The following KCNIP1 variants were observed in gnomAD, a reference collection of about 807,000 sequenced individuals.
The protein encoded by KCNIP1 is A-type potassium channel modulatory protein KCNIP1.
Under a neutral mutation model 33.0 loss-of-function variants are expected in KCNIP1, and 18 were observed. The ratio of observed to expected loss-of-function variants is 0.55; its 90% CI spans 0.38 to 0.81. The LOEUF is 0.81. KCNIP1 is among the 30% of genes least tolerant of loss of function. The probability of loss-of-function intolerance (pLI) is 0.00; values close to 1 mark genes in which losing one functional copy is unlikely to be tolerated. For synonymous variants in KCNIP1, 93 were observed against 98.3 expected, an observed-to-expected ratio of 0.95 and a Z score of 0.32; for missense variants, 238 against 271.6, an observed-to-expected ratio of 0.88 and a Z score of 0.87.
chr5:170,725,254 G>A (rs927228242), intron 5 of KCNIP1, among the ~76,000 whole-genome samples: 1 of 152,172 alleles, frequency 6.6e-6, no homozygotes, highest in African/African-American at 2.4e-5. Flanking sequence ...GTTCATAATA[G>A]CCAAGATTTG....
intron 1 of KCNIP1, among the ~76,000 whole-genome samples, chr5:170,569,124 G>A (rs969176547): frequency 6.6e-6 from 1 of 152,166 alleles, no homozygotes; most frequent in African/African-American, 2.4e-5. Flanking sequence ...CAGTAACCAT[G>A]GCCTCCAGGG....
chr5:170,554,303 T>C (rs1284877332), intron 1 of KCNIP1, among the ~76,000 whole-genome samples: 2 of 152,196 alleles, frequency 1.3e-5, no homozygotes, highest in Admixed American at 6.5e-5. Context: ...AGAAGCTCCC[T>C]GGAGCCTCCG....
chr5:170,556,740 G>A (rs1756860925), intron 1 of KCNIP1, among the ~76,000 whole-genome samples: 1 of 152,240 alleles, frequency 6.6e-6, no homozygotes, highest in African/African-American at 2.4e-5. Context: ...AATGAGGCCT[G>A]GGTGTTTGTT....
chr5:170,712,957 C>T (rs1401390670), intron 1 of KCNIP1: 5 of 1,299,548 alleles, frequency 3.8e-6, no homozygotes, highest in Non-Finnish European at 5.6e-6. Flanking sequence ...TAATCAAGCT[C>T]ATGTTTTGTA....
chr5:170,581,485 A>G (rs748379336), intron 1 of KCNIP1, among the ~76,000 whole-genome samples: 1 of 152,208 alleles, frequency 6.6e-6, no homozygotes, highest in Non-Finnish European at 1.5e-5. Flanking sequence ...TTGTCCAGAA[A>G]TATTCTGAGG....
At chr5:170,598,904 C>CGCGCGTGTGTGTGTGT (rs1412098474) in intron 1 of KCNIP1, among the ~76,000 whole-genome samples, 1 of 133,776 alleles carries the variant, frequency 7.5e-6, no homozygotes, top group Non-Finnish European at 1.6e-5. Flanking sequence ...TGTGTGTGCG[C>CGCGCGTGTGTGTGTGT]GTGTGTGTGT....
At chr5:170,674,151 GGAAGGAAGGAAGGAAGGAAGGAAGGA>G (rs1561756528) in intron 1 of KCNIP1, among the ~76,000 whole-genome samples, 26 of 67,792 alleles carry the variant, frequency 3.8e-4, no homozygotes, top group African/African-American at 1.6e-3. Flanking sequence ...AAGGAAGGAA[GGAAGGAAGGAAGGAAGGAAGGAAGGA>G]AGGAAGGGAG....
intron 1 of KCNIP1, among the ~76,000 whole-genome samples, chr5:170,480,063 C>T (rs1431090333): frequency 6.6e-6 from 1 of 152,200 alleles, no homozygotes; most frequent in Admixed American, 6.5e-5. Flanking sequence ...AAAATGCACA[C>T]AAAACGTCAT....
chr5:170,542,849 C>T (rs556683420), intron 1 of KCNIP1, among the ~76,000 whole-genome samples: 1 of 152,360 alleles, frequency 6.6e-6, no homozygotes, highest in South Asian at 2.1e-4. Context: ...TATTTTCAAA[C>T]TGCAAGTGGC....
At chr5:170,527,795 A>G (rs1049895206) in intron 1 of KCNIP1, among the ~76,000 whole-genome samples, 1 of 150,702 alleles carries the variant, frequency 6.6e-6, no homozygotes, top group African/African-American at 2.4e-5. Flanking sequence ...ATTTTCCTCT[A>G]TTTGTCCTTG....
intron 1 of KCNIP1, among the ~76,000 whole-genome samples, chr5:170,464,068 T>C (rs1223345930): frequency 1.3e-5 from 2 of 151,952 alleles, no homozygotes; most frequent in East Asian, 3.8e-4. Context: ...GAAAATAAAA[T>C]CCTTATGAAT....
intron 1 of KCNIP1, among the ~76,000 whole-genome samples, chr5:170,585,604 CT>C (rs1554102652): frequency 2.6e-5 from 4 of 152,144 alleles, no homozygotes; most frequent in Non-Finnish European, 5.9e-5. Flanking sequence ...CCTCCCACCT[CT>C]CACCCCCCGC....
At chr5:170,523,862 C>A (rs1755466374) in intron 1 of KCNIP1, among the ~76,000 whole-genome samples, 1 of 152,184 alleles carries the variant, frequency 6.6e-6, no homozygotes, top group African/African-American at 2.4e-5. Context: ...GCCAGACATA[C>A]CTAACCTCCC....
At chr5:170,676,189 AAG>A (rs1762136316) in intron 1 of KCNIP1, among the ~76,000 whole-genome samples, 3 of 64,532 alleles carry the variant, frequency 4.6e-5, no homozygotes, top group East Asian at 1.2e-3. Context: ...AAGGAAAGGA[AAG>A]GAAAGGAAAG....
intron 1 of KCNIP1, among the ~76,000 whole-genome samples, chr5:170,367,982 GA>G (rs1763740222): frequency 6.6e-6 from 1 of 152,246 alleles, no homozygotes; most frequent in East Asian, 1.9e-4. Flanking sequence ...AGTGTCAATG[GA>G]AAAAATTGTG....
At chr5:170,431,143 T>C (rs868813503) in intron 1 of KCNIP1, among the ~76,000 whole-genome samples, 3 of 152,228 alleles carry the variant, frequency 2.0e-5, no homozygotes, top group Non-Finnish European at 2.9e-5. Context: ...AGTGGCTTCA[T>C]TTTACAAGCA....
At chr5:170,448,776 C>G in intron 1 of KCNIP1, among the ~76,000 whole-genome samples, 1 of 152,162 alleles carries the variant, frequency 6.6e-6, no homozygotes, top group East Asian at 1.9e-4. Context: ...TATAACTGTT[C>G]AAAAATGACT....
intron 1 of KCNIP1, among the ~76,000 whole-genome samples, chr5:170,415,755 A>C (rs1047405827): frequency 1.3e-5 from 2 of 152,038 alleles, no homozygotes; most frequent in Non-Finnish European, 1.5e-5. Flanking sequence ...TATTTTGATT[A>C]TCTCTCTATC....
intron 1 of KCNIP1, among the ~76,000 whole-genome samples, chr5:170,710,419 C>T (rs993466287): frequency 2.6e-5 from 4 of 152,104 alleles, no homozygotes; most frequent in African/African-American, 9.7e-5. Flanking sequence ...TATTTTAAAG[C>T]CCAGATATGA....
Sources: allele counts gnomAD v4.1 joint callset (sites outside exome capture counted in the v4.1 genomes callset), GRCh38; gene constraint gnomAD v4.1.1; transcripts MANE v1.5; gene names NCBI Gene and HGNC (gene_info 2026-07-23, HGNC 2026-07-21).